CTNNA2: variants seen among roughly 807,000 people sequenced by gnomAD.
The protein encoded by CTNNA2 is catenin alpha 2, also known as catenin alpha-2.
A neutral mutation model predicts 101.0 loss-of-function variants in CTNNA2; 42 were observed. The observed-to-expected ratio is 0.42, with a 90% CI of 0.32 to 0.54. CTNNA2 has a LOEUF of 0.54. Ranked by LOEUF, CTNNA2 falls within the 20% of genes least tolerant of loss-of-function variation. CTNNA2 has a pLI of 0.14. For synonymous variants in CTNNA2, 450 were observed against 456.4 expected, an observed-to-expected ratio of 0.99 and a Z score of 0.18; for missense variants, 871 against 1,223.1, an observed-to-expected ratio of 0.71 and a Z score of 4.29.
At chr2:79,978,270 A>T (rs1012898027) in intron 7 of CTNNA2, among the ~76,000 whole-genome samples, 1 of 152,112 alleles carries the variant, frequency 6.6e-6, no homozygotes, top group South Asian at 2.1e-4. Flanking sequence ...AGGGAGAAGG[A>T]GCTCTGCCAC....
chr2:80,042,826 A>G (rs1456579111), intron 7 of CTNNA2, among the ~76,000 whole-genome samples: 2 of 152,232 alleles, frequency 1.3e-5, no homozygotes, highest in African/African-American at 4.8e-5. Context: ...CTGACTCAAA[A>G]CCTTGTTTAT....
At chr2:79,921,833 G>A (rs1439774656) in intron 7 of CTNNA2, among the ~76,000 whole-genome samples, 2 of 152,126 alleles carry the variant, frequency 1.3e-5, no homozygotes, top group African/African-American at 4.8e-5. Context: ...CTATTGTAGG[G>A]AACAGCTTCT....
chr2:80,584,299 G>C (rs764547374), intron 14 of CTNNA2, among the ~76,000 whole-genome samples: 1 of 152,030 alleles, frequency 6.6e-6, no homozygotes, highest in Admixed American at 6.6e-5. Flanking sequence ...AAGAAGGTTT[G>C]AGTGGGAGAT....
chr2:80,415,753 C>T lies in CTNNA2; in HGVS notation c.1138-3696C>T, dbSNP rs1013848409. On this transcript the variant is annotated intron_variant, in intron 8 of 18. Coordinates refer to ENST00000402739, the MANE Select transcript of CTNNA2 (RefSeq NM_001282597.3). ...CCTATGTTTATTGCAGCATTATTTA[C>T]GATAGCCAAGACATGGAATCAACCA... Among the ~76,000 whole-genome samples the T allele has an allele frequency of 3.3e-5, 5 of 152,008 alleles. No homozygotes were observed. The South Asian group carries it at 6.2e-4, about 19-fold the overall frequency.
At chr2:80,568,522 G>A (rs949949293) in intron 12 of CTNNA2, among the ~76,000 whole-genome samples, 12 of 151,934 alleles carry the variant, frequency 7.9e-5, no homozygotes, top group African/African-American at 1.2e-4. Context: ...CAGAAATACC[G>A]ATGAACTAGC....
chr2:79,506,859 TGTG>T (rs1671424104), intron 5 of CTNNA2, among the ~76,000 whole-genome samples: 1 of 152,188 alleles, frequency 6.6e-6, no homozygotes, highest in Non-Finnish European at 1.5e-5. Flanking sequence ...CAAAGCATCT[TGTG>T]GTCACAGGAG....
Position 79,552,449 on chromosome 2 carries a change from G to A in CTNNA2, c.-6+39242G>A, listed in dbSNP as rs113558522. ...CTGTCAGTAAATCTACAATTCTGGAGTCTGGAGCATGGTGGCCCTCTTCTC... is the reference window on the plus strand; with the variant it reads ...CTGTCAGTAAATCTACAATTCTGGAATCTGGAGCATGGTGGCCCTCTTCTC... On this transcript the variant is annotated intron_variant, in intron 1 of 18. Coordinates refer to ENST00000402739, the MANE Select transcript of CTNNA2 (RefSeq NM_001282597.3). 3.4e-3 allele frequency among the ~76,000 whole-genome samples: 520 copies of A among 152,220 alleles called. 6 individuals are homozygous for A. The highest frequency in any genetic ancestry group is 0.012 in the African/African-American group (497 of 41,560).
intron 1 of CTNNA2, among the ~76,000 whole-genome samples, chr2:79,559,189 C>T (rs887295603): frequency 2.6e-5 from 4 of 151,690 alleles, no homozygotes; most frequent in African/African-American, 4.8e-5. Flanking sequence ...CTGGCATTAC[C>T]GGGTAAAAAG....
intron 9 of CTNNA2, among the ~76,000 whole-genome samples, chr2:80,521,786 C>T (rs909528640): frequency 6.6e-6 from 1 of 152,114 alleles, no homozygotes; most frequent in Non-Finnish European, 1.5e-5. Flanking sequence ...ATCTTCTGAC[C>T]TTCAGAAATG....
chr2:80,517,686 A>G (rs1203726089), intron 9 of CTNNA2, among the ~76,000 whole-genome samples: 1 of 152,200 alleles, frequency 6.6e-6, no homozygotes, highest in Admixed American at 6.5e-5. Flanking sequence ...CGAGAGTAAT[A>G]TTGGGGAATC....
At chr2:80,638,506 G>T (rs1042764590) in intron 18 of CTNNA2, among the ~76,000 whole-genome samples, 2 of 152,174 alleles carry the variant, frequency 1.3e-5, no homozygotes, top group African/African-American at 4.8e-5. Flanking sequence ...AGAAGGTGGG[G>T]ACTACCTGGA....
At chr2:79,393,628 GAAAAAAAAAA>G (rs71385270) in intron 4 of CTNNA2, among the ~76,000 whole-genome samples, 19 of 89,020 alleles carry the variant, frequency 2.1e-4, no homozygotes, top group Admixed American at 1.0e-3. Context: ...TGTTCACAGA[GAAAAAAAAAA>G]AAAAAAAAAA....
At chr2:80,170,200 TC>T (rs1704957736) in intron 7 of CTNNA2, among the ~76,000 whole-genome samples, 1 of 149,522 alleles carries the variant, frequency 6.7e-6, no homozygotes, top group African/African-American at 2.6e-5. Context: ...TCTCTCTCTC[TC>T]TCTCTCTATC....
intron 7 of CTNNA2, among the ~76,000 whole-genome samples, chr2:80,273,906 C>T (rs2149144390): frequency 6.6e-6 from 1 of 152,122 alleles, no homozygotes; most frequent in South Asian, 2.1e-4. Context: ...CATTTCTCTC[C>T]CACTAGAATG....
intron 3 of CTNNA2, among the ~76,000 whole-genome samples, chr2:79,849,875 A>G (rs72916669): frequency 0.021 from 3,166 of 152,244 alleles, 143 homozygotes; most frequent in African/African-American, 0.072. Flanking sequence ...TATGGTTCAA[A>G]ATGTAAAGTG....
chr2:79,672,707 T>TG (rs1558824304), intron 2 of CTNNA2, among the ~76,000 whole-genome samples: 1 of 150,754 alleles, frequency 6.6e-6, no homozygotes, highest in Non-Finnish European at 1.5e-5. Context: ...TTTTCTTTTT[T>TG]CTTTTTTTTT....
intron 9 of CTNNA2, among the ~76,000 whole-genome samples, chr2:80,469,248 A>G (rs543905417): frequency 2.4e-4 from 36 of 152,180 alleles, no homozygotes; most frequent in Non-Finnish European, 4.6e-4. Flanking sequence ...TAGAAATATC[A>G]TAGAAACAAA....
rs1246790153 is a variant in CTNNA2 at position 79,909,764 on chromosome 2, G to A, written c.1023G>A (p.Ala341=). Residue 341 remains alanine, a synonymous_variant, in exon 7 of 19, where the codon GCG becomes GCA. Transcript: ENST00000402739. ...CGGAGTGCAACGCCGTGCGGCAGGC[G>A]CTCCAGGACCTGCTCAGCGAGTACA... The part of the protein sequence containing the change: ...IVAECNAVRQ[A]LQDLLSEYMN... 34 of 1,612,398 alleles carry A rather than the reference G, an allele frequency of 2.1e-5. No homozygotes were observed. The highest frequency in any genetic ancestry group is 4.5e-5 in the East Asian group (2 of 44,834).
intron 3 of CTNNA2, among the ~76,000 whole-genome samples, chr2:79,353,603 G>T (rs1023648966): frequency 6.6e-6 from 1 of 152,110 alleles, no homozygotes; most frequent in African/African-American, 2.4e-5. Flanking sequence ...ATACGGTGGG[G>T]TCTTGTTTCT....
Sources: gnomAD v4.1 joint callset for allele counts (sites outside exome capture counted in the v4.1 genomes callset) on GRCh38, gnomAD v4.1.1 for gene constraint, MANE v1.5 for transcripts, NCBI Gene and HGNC (gene_info 2026-07-23, HGNC 2026-07-21) for gene names.